Variants in PTPRD observed in about 807,000 individuals in gnomAD.
PTPRD encodes receptor-type tyrosine-protein phosphatase delta.
In PTPRD, 34 loss-of-function variants were observed where a neutral mutation model predicts 214.5. That is an observed-to-expected ratio of 0.16 (90% CI 0.12 to 0.21). The LOEUF is 0.21. Among genes scored for constraint, PTPRD ranks in the 10% least tolerant of loss-of-function variants. PTPRD has a pLI of 1.00. For missense variants in PTPRD, 2,545 were observed against 2,398.7 expected (o/e 1.06, Z -1.27); for synonymous variants, 1,128 against 845.7 (o/e 1.33, Z -5.79).
chr9:8,564,686 T>G (rs2088143822), intron 14 of PTPRD, among the ~76,000 whole-genome samples: 1 of 152,090 alleles, frequency 6.6e-6, no homozygotes, highest in African/African-American at 2.4e-5. Flanking sequence ...GGCGACAGAA[T>G]GAAGACTCTG....
chr9:8,842,135 C>CA (rs147117040), intron 11 of PTPRD, among the ~76,000 whole-genome samples: 2,631 of 150,934 alleles, frequency 0.017, 35 homozygotes, highest in Non-Finnish European at 0.026. Flanking sequence ...AAACAAAATG[C>CA]AAAAAAAACT....
chr9:8,409,954 A>C (rs2093377627), intron 35 of PTPRD, among the ~76,000 whole-genome samples: 2 of 152,174 alleles, frequency 1.3e-5, no homozygotes, highest in Admixed American at 1.3e-4. Context: ...ATCTTTTCAC[A>C]TATCTCCCCT....
At chr9:9,362,872 T>C (rs2039418) in intron 9 of PTPRD, among the ~76,000 whole-genome samples, 26,664 of 151,208 alleles carry the variant, frequency 0.18, 2,617 homozygotes, top group East Asian at 0.34. Flanking sequence ...AAGAAAAGAA[T>C]AGATAGAATA....
Position 8,832,599 on chromosome 9 carries a change from C to G in PTPRD, c.-103-98653G>C, listed in dbSNP as rs1009495188. Among the ~76,000 whole-genome samples, 4 of 152,058 alleles carry G rather than the reference C, an allele frequency of 2.6e-5. No homozygotes were observed. In the South Asian group the frequency reaches 8.3e-4, roughly 32 times the overall value. On this transcript the variant is annotated intron_variant, in intron 11 of 45. Coordinates refer to ENST00000381196, the MANE Select transcript of PTPRD (RefSeq NM_002839.4). ...AAGTTATGAGAAAGAGAAAATTAACCAGTGTTTGCACCCACTATGTGTGTT... is the reference window on the plus strand; with the variant it reads ...AAGTTATGAGAAAGAGAAAATTAACGAGTGTTTGCACCCACTATGTGTGTT...
intron 11 of PTPRD, among the ~76,000 whole-genome samples, chr9:8,892,988 G>T (rs947160809): frequency 5.3e-5 from 8 of 152,098 alleles, no homozygotes; most frequent in African/African-American, 1.9e-4. Flanking sequence ...CATGTTGGTG[G>T]AATAGTTGAA....
intron 14 of PTPRD, among the ~76,000 whole-genome samples, chr9:8,624,065 T>C (rs2095918569): frequency 1.3e-5 from 2 of 151,934 alleles, no homozygotes; most frequent in African/African-American, 2.4e-5. Context: ...CTAGATGTCA[T>C]AGAACAGAAA....
At chr9:9,575,898 C>A (rs541904774) in intron 7 of PTPRD, among the ~76,000 whole-genome samples, 1 of 151,764 alleles carries the variant, frequency 6.6e-6, no homozygotes, top group Admixed American at 6.6e-5. Flanking sequence ...TTGATAGATA[C>A]TATTTTATAT....
At chr9:10,296,198 C>T (rs1041328600) in intron 3 of PTPRD, among the ~76,000 whole-genome samples, 7 of 152,008 alleles carry the variant, frequency 4.6e-5, no homozygotes, top group South Asian at 4.1e-4. Context: ...GTAAAAATAA[C>T]GTCTGGATTC....
intron 11 of PTPRD, among the ~76,000 whole-genome samples, chr9:8,881,309 G>C (rs1048680419): frequency 6.6e-6 from 1 of 152,030 alleles, no homozygotes; most frequent in Non-Finnish European, 1.5e-5. Context: ...TAACCAATAG[G>C]AAAACTTAGT....
intron 14 of PTPRD, among the ~76,000 whole-genome samples, chr9:8,568,049 G>A (rs16928138): frequency 0.027 from 4,050 of 152,038 alleles, 172 homozygotes; most frequent in African/African-American, 0.079. Flanking sequence ...ATGTATCAGA[G>A]GCTGACAGTT....
At chr9:9,056,946 T>C (rs1433679701) in intron 10 of PTPRD, among the ~76,000 whole-genome samples, 1 of 152,200 alleles carries the variant, frequency 6.6e-6, no homozygotes, top group Non-Finnish European at 1.5e-5. Flanking sequence ...GTGCACCAAC[T>C]CTACCAATTA....
chr9:10,300,364 A>C (rs1200168266), intron 3 of PTPRD, among the ~76,000 whole-genome samples: 1 of 152,008 alleles, frequency 6.6e-6, no homozygotes, highest in African/African-American at 2.4e-5. Context: ...TAGCTGCAGG[A>C]GTTTAGTTTT....
intron 36 of PTPRD, among the ~76,000 whole-genome samples, chr9:8,396,445 G>A (rs1272220457): frequency 1.3e-5 from 2 of 152,066 alleles, no homozygotes; most frequent in Non-Finnish European, 2.9e-5. Context: ...CATAGATGAT[G>A]TAGGTTTATC....
intron 12 of PTPRD, chr9:8,713,946 G>A (rs1013117979): frequency 5.3e-5 from 34 of 639,124 alleles, no homozygotes; most frequent in Non-Finnish European, 7.0e-5. Flanking sequence ...GGACCATGGT[G>A]AGAATTAGTG....
At chr9:8,914,121 T>C (rs1282423041) in intron 11 of PTPRD, among the ~76,000 whole-genome samples, 1 of 152,168 alleles carries the variant, frequency 6.6e-6, no homozygotes, top group African/African-American at 2.4e-5. Context: ...CAGTGGCATG[T>C]CTAGGGATTT....
chr9:9,626,247 G>C (rs904047059), intron 7 of PTPRD, among the ~76,000 whole-genome samples: 4 of 152,184 alleles, frequency 2.6e-5, no homozygotes, highest in African/African-American at 9.7e-5. Flanking sequence ...ATATCTGCCG[G>C]TGGTAGTGCA....
intron 5 of PTPRD, among the ~76,000 whole-genome samples, chr9:9,807,838 G>C (rs998322479): frequency 6.6e-6 from 1 of 152,114 alleles, no homozygotes. Flanking sequence ...GGAAGAATCC[G>C]ATTTTTCCAA....
chr9:10,156,057 A>AT (rs2099090586), intron 3 of PTPRD, among the ~76,000 whole-genome samples: 1 of 139,606 alleles, frequency 7.2e-6, no homozygotes, highest in Admixed American at 7.2e-5. Flanking sequence ...CAACTCATGG[A>AT]TTTTTTGCTC....
At chr9:10,114,140 G>A (rs1214028608) in intron 3 of PTPRD, among the ~76,000 whole-genome samples, 1 of 152,132 alleles carries the variant, frequency 6.6e-6, no homozygotes, top group Non-Finnish European at 1.5e-5. Flanking sequence ...TGTAAAGGTG[G>A]AAAGAACAGC....
Sources: allele counts gnomAD v4.1 joint callset (sites outside exome capture counted in the v4.1 genomes callset), GRCh38; gene constraint gnomAD v4.1.1; transcripts MANE v1.5; gene names NCBI Gene and HGNC (gene_info 2026-07-23, HGNC 2026-07-21).